Variants in GRIP1 observed in about 807,000 individuals in gnomAD.
GRIP1 encodes the protein glutamate receptor-interacting protein 1.
A neutral mutation model predicts 129.9 loss-of-function variants in GRIP1; 45 were observed. That is an observed-to-expected ratio of 0.35 (90% CI 0.27 to 0.44). GRIP1 has a LOEUF of 0.44. Among genes scored for constraint, GRIP1 ranks in the 20% least tolerant of loss-of-function variants. GRIP1 has a pLI of 1.00. For missense variants in GRIP1, 1,196 were observed against 1,396.8 expected (o/e 0.86, Z 2.29); for synonymous variants, 530 against 520.8 (o/e 1.02, Z -0.24).
intron 7 of GRIP1, among the ~76,000 whole-genome samples, chr12:66,503,271 T>G (rs1271657859): frequency 6.6e-6 from 1 of 152,116 alleles, no homozygotes; most frequent in Admixed American, 6.6e-5. Context: ...CTATGACTTT[T>G]GGGGGCATCC....
intron 1 of GRIP1, among the ~76,000 whole-genome samples, chr12:66,845,556 A>T (rs1263756061): frequency 6.6e-6 from 1 of 152,200 alleles, no homozygotes; most frequent in Non-Finnish European, 1.5e-5. Context: ...ATCATTTTAA[A>T]GTTCTGTCTT....
chr12:66,860,056 T>C (rs1048264671), intron 1 of GRIP1, among the ~76,000 whole-genome samples: 10 of 152,224 alleles, frequency 6.6e-5, no homozygotes, highest in African/African-American at 9.6e-5. Context: ...CCTTAAGTGC[T>C]TAACTTACAA....
chr12:66,436,974 CAAAAA>C (rs71069003), intron 13 of GRIP1, among the ~76,000 whole-genome samples: 61,262 of 113,402 alleles, frequency 0.54, 15,242 homozygotes, highest in Non-Finnish European at 0.61. Flanking sequence ...ACTCTGTCTC[CAAAAA>C]AAAAAAAAAA....
At position 66,920,485 on chromosome 12, in the gene GRIP1, T is replaced by C. The variant is rs79529835; in HGVS notation, c.58+148565A>G. 5.3e-4 allele frequency among the ~76,000 whole-genome samples: 80 copies of C among 152,278 alleles called. 1 individual carries two copies. The East Asian group carries it at 0.014, about 27-fold the overall frequency. ...ATACGATGACAAGACACATGTCACA[T>C]TCATGTCCCAAAAGCTCAAGGAGTA... is the stretch of plus-strand genomic sequence containing the variant. On this transcript the variant is annotated intron_variant, in intron 1 of 1. Coordinates refer to the GRIP1 transcript ENST00000643019.
upstream of GRIP1, among the ~76,000 whole-genome samples, chr12:66,806,564 A>G (rs2136936997): frequency 6.6e-6 from 1 of 152,332 alleles, no homozygotes; most frequent in South Asian, 2.1e-4. Context: ...TAAAAGGACT[A>G]ACTTACAGAA....
At chr12:66,435,438 A>C (rs2058274864) in intron 13 of GRIP1, among the ~76,000 whole-genome samples, 1 of 152,180 alleles carries the variant, frequency 6.6e-6, no homozygotes, top group Non-Finnish European at 1.5e-5. Flanking sequence ...TCCCAGGCTC[A>C]AGTGATCCGT....
At chr12:66,430,007 A>T (rs1215948847) in intron 14 of GRIP1, among the ~76,000 whole-genome samples, 3 of 152,162 alleles carry the variant, frequency 2.0e-5, no homozygotes, top group East Asian at 3.9e-4. Context: ...CTTTGCACAA[A>T]CATTTATATT....
intron 1 of GRIP1, among the ~76,000 whole-genome samples, chr12:66,608,287 A>T (rs994094308): frequency 6.6e-6 from 1 of 152,122 alleles, no homozygotes; most frequent in African/African-American, 2.4e-5. Flanking sequence ...TGAGATAGTG[A>T]TTATAAACAC....
intron 1 of GRIP1, among the ~76,000 whole-genome samples, chr12:66,800,859 T>C (rs1478077633): frequency 6.6e-6 from 1 of 152,066 alleles, no homozygotes; most frequent in African/African-American, 2.4e-5. Flanking sequence ...TCTTGGTGGA[T>C]ACGATTAAAT....
At chr12:66,866,204 C>G (rs571891308) in intron 1 of GRIP1, among the ~76,000 whole-genome samples, 23 of 152,298 alleles carry the variant, frequency 1.5e-4, no homozygotes, top group Non-Finnish European at 2.6e-4. Context: ...CACAGTGGCT[C>G]ATGCCTATAA....
intron 23 of GRIP1, among the ~76,000 whole-genome samples, chr12:66,366,977 C>A (rs1300892158): frequency 6.6e-6 from 1 of 152,140 alleles, no homozygotes; most frequent in Non-Finnish European, 1.5e-5. Flanking sequence ...AGCCACTGTG[C>A]CCAGCCTCAA....
intron 1 of GRIP1, among the ~76,000 whole-genome samples, chr12:66,991,082 CTAA>C (rs2042387904): frequency 6.6e-6 from 1 of 151,850 alleles, no homozygotes; most frequent in Non-Finnish European, 1.5e-5. Context: ...ACCATCCTGG[CTAA>C]CAGGGTGAAA....
intron 1 of GRIP1, among the ~76,000 whole-genome samples, chr12:66,935,085 T>C (rs1592363874): frequency 6.6e-6 from 1 of 152,190 alleles, no homozygotes; most frequent in African/African-American, 2.4e-5. Context: ...AGCAGCTACC[T>C]CTCTAACAAA....
chr12:66,479,244 C>A (rs1341651047), intron 7 of GRIP1, among the ~76,000 whole-genome samples: 1 of 151,822 alleles, frequency 6.6e-6, no homozygotes, highest in African/African-American at 2.4e-5. Flanking sequence ...GATATCACCA[C>A]TGATCCCACA....
chr12:66,604,905 G>T (rs183367969), intron 1 of GRIP1, among the ~76,000 whole-genome samples: 19 of 138,534 alleles, frequency 1.4e-4, no homozygotes, highest in Middle Eastern at 3.6e-3. Flanking sequence ...GAACATATCC[G>T]AGTATTCCTG....
chr12:66,385,965 G>A (rs1204259322), intron 19 of GRIP1, among the ~76,000 whole-genome samples: 2 of 152,026 alleles, frequency 1.3e-5, no homozygotes, highest in Non-Finnish European at 2.9e-5. Flanking sequence ...TTACATCTGG[G>A]TTTCCATATC....
chr12:66,956,499 A>G (rs570188997), intron 1 of GRIP1, among the ~76,000 whole-genome samples: 4 of 152,302 alleles, frequency 2.6e-5, no homozygotes, highest in African/African-American at 9.6e-5. Flanking sequence ...CTCTTTCTAG[A>G]AGAGTGAATC....
exon 1 of GRIP1, chr12:66,804,185 TC>T (rs1566031092): frequency 4.4e-6 from 2 of 455,316 alleles, no homozygotes; most frequent in Non-Finnish European, 4.4e-6. Context: ...AAGCGGTCCA[TC>T]TCTTACTCAC....
intron 1 of GRIP1, among the ~76,000 whole-genome samples, chr12:66,732,015 C>G (rs1179301451): frequency 6.6e-6 from 1 of 152,140 alleles, no homozygotes; most frequent in Non-Finnish European, 1.5e-5. Context: ...TAAGTTGGTA[C>G]CCAAAGCCTT....
Sources: allele counts gnomAD v4.1 joint callset (sites outside exome capture counted in the v4.1 genomes callset), GRCh38; gene constraint gnomAD v4.1.1; transcripts MANE v1.5; gene names NCBI Gene and HGNC (gene_info 2026-07-23, HGNC 2026-07-21).